The following MYMX variants were observed in gnomAD, a reference collection of about 807,000 sequenced individuals.
MYMX encodes myomixer, myoblast fusion factor, also known as protein myomixer.
chr6:44,199,922 C>A, the MYMX span, among the ~76,000 whole-genome samples: 1 of 152,088 alleles, frequency 6.6e-6, no homozygotes, highest in Non-Finnish European at 1.5e-5. Flanking sequence ...TGGGCTCAAG[C>A]AATCCAAGCG....
chr6:44,192,953 G>A, the MYMX span, among the ~76,000 whole-genome samples: 115 of 152,282 alleles, frequency 7.6e-4, 2 homozygotes, highest in Admixed American at 7.3e-3. Context: ...TAACGTGACC[G>A]CTTCCTATTT....
chr6:44,202,324 T>C, the MYMX span, among the ~76,000 whole-genome samples: 1 of 152,156 alleles, frequency 6.6e-6, no homozygotes, highest in Non-Finnish European at 1.5e-5. Context: ...AGAATGTTTC[T>C]GGATGGCCCT....
chr6:44,206,005 A>AAAAAAAC, the MYMX span, among the ~76,000 whole-genome samples: 1 of 149,636 alleles, frequency 6.7e-6, no homozygotes, highest in African/African-American at 2.5e-5. Context: ...AAACAAAAAA[A>AAAAAAAC]AACCTCATTT....
chr6:44,207,342 T>A, the MYMX span, among the ~76,000 whole-genome samples: 2 of 151,908 alleles, frequency 1.3e-5, no homozygotes, highest in African/African-American at 4.8e-5. Context: ...GGTTTCACCG[T>A]GTTAGCCAGG....
the MYMX span, among the ~76,000 whole-genome samples, chr6:44,209,048 C>T: frequency 6.6e-6 from 1 of 152,232 alleles, no homozygotes; most frequent in Non-Finnish European, 1.5e-5. Flanking sequence ...ACTGCAACCT[C>T]CGTCTCCAGG....
At chr6:44,203,239 C>T in the MYMX span, among the ~76,000 whole-genome samples, 1 of 152,110 alleles carries the variant, frequency 6.6e-6, no homozygotes, top group African/African-American at 2.4e-5. Flanking sequence ...TCAGTGGAGC[C>T]CTGGAACCCA....
At chr6:44,201,595 G>A in the MYMX span, among the ~76,000 whole-genome samples, 1 of 152,184 alleles carries the variant, frequency 6.6e-6, no homozygotes, top group Non-Finnish European at 1.5e-5. Context: ...AGCATTAACA[G>A]AGCCCCAGCC....
chr6:44,202,018 G>A, the MYMX span, among the ~76,000 whole-genome samples: 116 of 152,302 alleles, frequency 7.6e-4, 5 homozygotes, highest in South Asian at 0.023. Flanking sequence ...CAAGTCATGC[G>A]GAGGCAGTGG....
Position 44,217,517 on chromosome 6 carries a change from T to TGCTGCAGCCTGCTGCCC in MYMX, c.48_49insTGCAGCCTGCTGCCCGC (p.Leu17CysfsTer70). The TGCTGCAGCCTGCTGCCC allele has an allele frequency of 2.5e-6, 1 of 405,472 alleles. No homozygotes were observed. The highest frequency in any genetic ancestry group is 4.3e-6 in the Non-Finnish European group (1 of 230,040). The allele number at this position is 405,472 out of a possible 1,614,324, so 25.1% of individuals were successfully genotyped here. On this transcript the variant is annotated frameshift_variant, in exon 2 of 2. Transcript: ENST00000573382. LOFTEE classifies it high-confidence loss of function. ...GCTGCTGCTTCGATTGCTGCTGTCC[T>TGCTGCAGCCTGCTGCCC]GCCTGCTGCTGCCTGCTGCCCGCCT...
rs1038023469 is a variant in MYMX at position 44,217,616 on chromosome 6, T to C, written c.145T>C (p.Leu49=). 5.0e-6 allele frequency: 2 copies of C among 401,286 alleles called. No individual in the cohort carries two copies. The highest frequency in any genetic ancestry group is 8.8e-6 in the Non-Finnish European group (2 of 226,654). 24.9% of individuals were successfully genotyped at this position (401,286 alleles called of 1,614,324 possible). A position where few individuals can be genotyped will look rare whatever the true frequency, so the allele number is the denominator to read the frequency against. Reference sequence around the variant, plus strand: ...GGGCTCCCAGGACATGCGAGAGGCTTTGCTGGGCTGTCTGCTGTTCATTCT... The same window carrying C: ...GGGCTCCCAGGACATGCGAGAGGCTCTGCTGGGCTGTCTGCTGTTCATTCT... ...RLGSQDMREA[L]LGCLLFILSQ... Residue 49 remains leucine (L), a synonymous_variant, in exon 2 of 2, where the codon TTG becomes CTG. Transcript: ENST00000573382.
At chr6:44,199,967 G>A in the MYMX span, among the ~76,000 whole-genome samples, 2 of 152,186 alleles carry the variant, frequency 1.3e-5, no homozygotes, top group African/African-American at 4.8e-5. Flanking sequence ...TTACAGGCAT[G>A]AGCCACCGTG....
chr6:44,201,233 C>T, the MYMX span, among the ~76,000 whole-genome samples: 1 of 152,130 alleles, frequency 6.6e-6, no homozygotes, highest in Non-Finnish European at 1.5e-5. Flanking sequence ...GGTTTCTGGC[C>T]TGTTGTCCCA....
the MYMX span, among the ~76,000 whole-genome samples, chr6:44,205,197 T>C: frequency 0.017 from 2,644 of 152,122 alleles, 37 homozygotes; most frequent in Non-Finnish European, 0.027. Context: ...TCTGGATGCC[T>C]TCAAGGAGGT....
At chr6:44,204,484 TATTG>T in the MYMX span, among the ~76,000 whole-genome samples, 3 of 152,168 alleles carry the variant, frequency 2.0e-5, no homozygotes, top group Non-Finnish European at 4.4e-5. Flanking sequence ...CTCTTTGGGA[TATTG>T]ATTATTTCAA....
chr6:44,217,951 C>T lies in MYMX; in HGVS notation c.*225C>T. ...AAACTGATTATTGCCCCTCTGTCCT[C>T]CAGCAGTTCCTCCCAAAGACCACTC... is the stretch of plus-strand genomic sequence containing the variant. On this transcript the variant is annotated 3_prime_UTR_variant, in exon 2 of 2. Transcript: ENST00000573382. The T allele has an allele frequency of 1.1e-5, 4 of 375,776 alleles. No homozygotes were observed. The highest frequency in any genetic ancestry group is 1.4e-5 in the Non-Finnish European group (3 of 211,742). 23.3% of individuals were successfully genotyped at this position (375,776 alleles called of 1,614,324 possible).
At chr6:44,210,860 G>A in the MYMX span, among the ~76,000 whole-genome samples, 1 of 152,218 alleles carries the variant, frequency 6.6e-6, no homozygotes, top group African/African-American at 2.4e-5. Flanking sequence ...TGGGTACAGT[G>A]GCTCACGCCT....
chr6:44,193,640 A>C, the MYMX span, among the ~76,000 whole-genome samples: 4 of 152,302 alleles, frequency 2.6e-5, no homozygotes, highest in East Asian at 7.7e-4. Flanking sequence ...CTCCACCTAA[A>C]ATGAATCCAA....
chr6:44,197,976 G>T, the MYMX span, among the ~76,000 whole-genome samples: 1 of 152,004 alleles, frequency 6.6e-6, no homozygotes, highest in Non-Finnish European at 1.5e-5. Context: ...GCCTGCGGGG[G>T]ATTGTCTTTT....
chr6:44,214,176 G>A (rs527846147), upstream of MYMX, among the ~76,000 whole-genome samples: 2 of 152,296 alleles, frequency 1.3e-5, no homozygotes, highest in South Asian at 4.1e-4. Flanking sequence ...GTGGAAAAGA[G>A]AAACAGGAAC....
Sources: gnomAD v4.1 joint callset for allele counts (sites outside exome capture counted in the v4.1 genomes callset) on GRCh38, gnomAD v4.1.1 for gene constraint, MANE v1.5 for transcripts, NCBI Gene and HGNC (gene_info 2026-07-23, HGNC 2026-07-21) for gene names.